The following CHST9 variants were observed in gnomAD, a reference collection of about 807,000 sequenced individuals.
CHST9 encodes GalNAc-4-sulfotransferase 2.
CHST9 carries 41 observed loss-of-function variants against 44.4 expected under a neutral mutation model. The ratio of observed to expected loss-of-function variants is 0.92; its 90% CI spans 0.72 to 1.20. The LOEUF is 1.20. CHST9 is among the 50% of genes most tolerant of loss of function. CHST9 has a pLI of 0.00. For synonymous variants in CHST9, 171 were observed against 178.4 expected, an observed-to-expected ratio of 0.96 and a Z score of 0.33; for missense variants, 504 against 516.5, an observed-to-expected ratio of 0.98 and a Z score of 0.23.
intron 2 of CHST9, among the ~76,000 whole-genome samples, chr18:27,114,555 C>T (rs1326006517): frequency 6.6e-6 from 1 of 152,168 alleles, no homozygotes; most frequent in Non-Finnish European, 1.5e-5. Flanking sequence ...ACCATCACCA[C>T]TATTTTATTT....
At chr18:27,003,013 T>C (rs1046030870) in intron 4 of CHST9, among the ~76,000 whole-genome samples, 11 of 152,212 alleles carry the variant, frequency 7.2e-5, no homozygotes, top group Non-Finnish European at 1.6e-4. Flanking sequence ...GATAGAAATC[T>C]TATAATTTGA....
chr18:27,049,553 T>C (rs1279637077), intron 2 of CHST9, among the ~76,000 whole-genome samples: 2 of 151,220 alleles, frequency 1.3e-5, no homozygotes, highest in African/African-American at 4.9e-5. Context: ...ACAATAATGG[T>C]GGGGGACTTC....
intron 2 of CHST9, among the ~76,000 whole-genome samples, chr18:27,053,147 A>AAGAAGT (rs2057592803): frequency 7.2e-6 from 1 of 138,546 alleles, no homozygotes. Flanking sequence ...GAAGAAGAAG[A>AAGAAGT]AGAAGAAGAA....
At chr18:27,112,122 ATAT>A (rs2058276264) in intron 2 of CHST9, among the ~76,000 whole-genome samples, 1 of 148,460 alleles carries the variant, frequency 6.7e-6, no homozygotes, top group Admixed American at 6.7e-5. Context: ...TGTATATATT[ATAT>A]TAATAAAACA....
At chr18:27,117,250 A>G (rs1350551562) in intron 2 of CHST9, among the ~76,000 whole-genome samples, 1 of 152,100 alleles carries the variant, frequency 6.6e-6, no homozygotes, top group Non-Finnish European at 1.5e-5. Flanking sequence ...TAAATTAATA[A>G]ACTAAATTTT....
intron 2 of CHST9, among the ~76,000 whole-genome samples, chr18:27,091,002 T>C (rs1284935052): frequency 6.6e-6 from 1 of 152,198 alleles, no homozygotes; most frequent in African/African-American, 2.4e-5. Context: ...GATAGCTTGA[T>C]GGGGATGGCG....
chr18:27,020,725 C>G (rs763193692), intron 4 of CHST9, among the ~76,000 whole-genome samples: 28 of 152,148 alleles, frequency 1.8e-4, no homozygotes, highest in Non-Finnish European at 3.2e-4. Context: ...AAGATATAGC[C>G]TATATTTCCT....
chr18:27,118,602 A>G (rs2058348845), intron 2 of CHST9, among the ~76,000 whole-genome samples: 1 of 152,280 alleles, frequency 6.6e-6, no homozygotes, highest in African/African-American at 2.4e-5. Context: ...CTTTAGAAAG[A>G]GATTTTTAAT....
intron 4 of CHST9, among the ~76,000 whole-genome samples, chr18:26,944,568 A>G (rs1321613905): frequency 6.6e-6 from 1 of 151,072 alleles, no homozygotes; most frequent in Non-Finnish European, 1.5e-5. Flanking sequence ...TGTGTTAGGC[A>G]AAGATAACAG....
chr18:26,943,124 C>T (rs559023073), intron 5 of CHST9, among the ~76,000 whole-genome samples: 14 of 152,116 alleles, frequency 9.2e-5, no homozygotes, highest in Admixed American at 7.2e-4. Flanking sequence ...AAGAAAGAAA[C>T]TAAGTTTAAA....
intron 4 of CHST9, among the ~76,000 whole-genome samples, chr18:26,973,776 C>A (rs2056583301): frequency 6.6e-6 from 1 of 152,114 alleles, no homozygotes; most frequent in South Asian, 2.1e-4. Flanking sequence ...TTCTAATGAC[C>A]TGGTTTTTGT....
At position 26,916,176 on chromosome 18, in the gene CHST9, A is replaced by C. The variant is rs1381358174; in HGVS notation, c.*83T>G. 4 of 1,128,140 alleles carry C rather than the reference A, an allele frequency of 3.5e-6. No homozygotes were observed. The highest frequency in any genetic ancestry group is 5.1e-6 in the Non-Finnish European group (4 of 788,928). 69.9% of individuals were successfully genotyped at this position (1,128,140 alleles called of 1,614,324 possible). On this transcript the variant is annotated 3_prime_UTR_variant, in exon 6 of 6. Transcript: ENST00000618847. ...AACTGCACTTGGTTAAATTTCTGTCATACAGAGAATTATAGAAAAATTACA... is the reference window on the plus strand; with the variant it reads ...AACTGCACTTGGTTAAATTTCTGTCCTACAGAGAATTATAGAAAAATTACA...
chr18:26,938,461 C>G (rs564307141), intron 5 of CHST9, among the ~76,000 whole-genome samples: 9 of 152,262 alleles, frequency 5.9e-5, no homozygotes, highest in South Asian at 2.1e-4. Flanking sequence ...CATGTGGGAT[C>G]TTTACTAGCT....
At chr18:27,107,066 AG>A (rs1176082352) in intron 2 of CHST9, among the ~76,000 whole-genome samples, 2 of 152,296 alleles carry the variant, frequency 1.3e-5, no homozygotes, top group East Asian at 3.9e-4. Context: ...GGAAGAAAAA[AG>A]GTGAAGTGTG....
intron 3 of CHST9, among the ~76,000 whole-genome samples, chr18:27,031,294 G>T (rs4800781): frequency 0.64 from 96,416 of 151,714 alleles, 30,953 homozygotes; most frequent in East Asian, 0.72. Context: ...TTGTAATCCT[G>T]GTCCCCAAAC....
At chr18:27,128,766 C>T (rs1295863698) in intron 2 of CHST9, among the ~76,000 whole-genome samples, 1 of 151,984 alleles carries the variant, frequency 6.6e-6, no homozygotes, top group Non-Finnish European at 1.5e-5. Context: ...GATTAGTGAC[C>T]CAAAAGTTGT....
intron 3 of CHST9, among the ~76,000 whole-genome samples, chr18:27,027,554 G>A (rs183038607): frequency 3.3e-5 from 5 of 152,196 alleles, no homozygotes; most frequent in East Asian, 3.9e-4. Context: ...GCCTGGATGC[G>A]CCATTATTAA....
chr18:26,991,523 G>A (rs2056815936), intron 4 of CHST9, among the ~76,000 whole-genome samples: 1 of 152,068 alleles, frequency 6.6e-6, no homozygotes, highest in South Asian at 2.1e-4. Context: ...GATGTGGTTG[G>A]ATATGAATTT....
At chr18:27,036,576 A>T (rs1598659200) in intron 3 of CHST9, among the ~76,000 whole-genome samples, 1 of 152,270 alleles carries the variant, frequency 6.6e-6, no homozygotes, top group Admixed American at 6.5e-5. Flanking sequence ...TCTTAAGATC[A>T]TATTTCTCCC....
Sources: gnomAD v4.1 joint callset for allele counts (sites outside exome capture counted in the v4.1 genomes callset) on GRCh38, gnomAD v4.1.1 for gene constraint, MANE v1.5 for transcripts, NCBI Gene and HGNC (gene_info 2026-07-23, HGNC 2026-07-21) for gene names.